The following TXNL4A variants were observed in gnomAD, a reference collection of about 807,000 sequenced individuals.
The protein encoded by TXNL4A is thioredoxin-like protein 4A.
A neutral mutation model predicts 14.6 loss-of-function variants in TXNL4A; 17 were observed. The ratio of observed to expected loss-of-function variants is 1.16; its 90% confidence interval spans 0.80 to 1.74. The LOEUF is 1.74. Ranked by LOEUF, TXNL4A falls within the 40% of genes most tolerant of loss-of-function variation. TXNL4A has a pLI of 0.00. For synonymous variants in TXNL4A, 83 were observed against 70.6 expected (o/e 1.18, Z -0.88); for missense variants, 74 against 195.2 (o/e 0.38, Z 3.70).
chr18:80,001,946 T>C (rs2051700948), intron 1 of TXNL4A, among the ~76,000 whole-genome samples: 1 of 152,016 alleles, frequency 6.6e-6, no homozygotes, highest in Non-Finnish European at 1.5e-5. Flanking sequence ...GGACATGAGA[T>C]TTGGGAGGGG....
upstream of TXNL4A, among the ~76,000 whole-genome samples, chr18:79,991,691 T>G (rs568962239): frequency 4.6e-5 from 7 of 152,370 alleles, no homozygotes; most frequent in African/African-American, 1.7e-4. Flanking sequence ...TTTTCCAAAT[T>G]GGCTACACCA....
At chr18:79,990,837 G>C (rs2051622404), upstream of TXNL4A, among the ~76,000 whole-genome samples, 1 of 152,092 alleles carries the variant, frequency 6.6e-6, no homozygotes, top group African/African-American at 2.4e-5. Context: ...GGGCGCGGTG[G>C]CTCACGCCTG....
chr18:80,016,930 T>C (rs998060924), intron 1 of TXNL4A, among the ~76,000 whole-genome samples: 8 of 152,170 alleles, frequency 5.3e-5, no homozygotes, highest in African/African-American at 1.2e-4. Flanking sequence ...GGGGATGGCA[T>C]TGAATCTATA....
chr18:80,006,553 T>G (rs1312460555), intron 1 of TXNL4A, among the ~76,000 whole-genome samples: 1 of 152,130 alleles, frequency 6.6e-6, no homozygotes, highest in African/African-American at 2.4e-5. Flanking sequence ...CCAGAGATGT[T>G]TAGAAATTTT....
At chr18:79,989,018 A>G (rs1006831811), upstream of TXNL4A, among the ~76,000 whole-genome samples, 3 of 152,368 alleles carry the variant, frequency 2.0e-5, no homozygotes, top group Middle Eastern at 6.8e-3. Flanking sequence ...ACCACAGCAG[A>G]GTCGAGCAGC....
chr18:79,990,182 C>T (rs1010421389), upstream of TXNL4A, among the ~76,000 whole-genome samples: 3 of 152,186 alleles, frequency 2.0e-5, no homozygotes, highest in African/African-American at 4.8e-5. Flanking sequence ...ATACTAGAAT[C>T]ACAAGTGCAG....
chr18:79,976,653 G>A (rs879082523), intron 2 of TXNL4A: 44 of 394,020 alleles, frequency 1.1e-4, no homozygotes, highest in South Asian at 8.0e-4. Context: ...CTCAATGCGT[G>A]CTAATTTGTT....
At position 79,988,486 on chromosome 18, in the gene TXNL4A, G is replaced by A. The variant is rs962322006; in HGVS notation, c.-94C>T. 6 of 1,213,384 alleles carry A rather than the reference G, an allele frequency of 4.9e-6. No individual in the cohort carries two copies. The highest frequency in any genetic ancestry group is 6.6e-5 in the East Asian group (2 of 30,300). The allele number at this position is 1,213,384 out of a possible 1,614,324, so 75.2% of individuals were successfully genotyped here. Reference sequence around the variant, plus strand: ...GGCCCCTCACTCCCCGGCCCCCGCCGCCCCCGGGCCCACGGACGAAATCCG... The same window carrying A: ...GGCCCCTCACTCCCCGGCCCCCGCCACCCCCGGGCCCACGGACGAAATCCG... On this transcript the variant is annotated 5_prime_UTR_variant, in exon 1 of 3. Transcript: ENST00000269601.
intron 1 of TXNL4A, among the ~76,000 whole-genome samples, chr18:80,014,745 A>C (rs1474264290): frequency 5.9e-5 from 9 of 152,202 alleles, no homozygotes; most frequent in Admixed American, 3.3e-4. Context: ...GCAGTTTCCC[A>C]GTAGGGACTC....
chr18:79,975,479 C>A (rs576367746), intron 2 of TXNL4A, among the ~76,000 whole-genome samples: 1 of 152,394 alleles, frequency 6.6e-6, no homozygotes, highest in East Asian at 1.9e-4. Context: ...TTGCCTGCAG[C>A]CTCCTTGCCC....
At chr18:80,002,771 T>C (rs185199959) in intron 1 of TXNL4A, among the ~76,000 whole-genome samples, 15 of 152,378 alleles carry the variant, frequency 9.8e-5, no homozygotes, top group Middle Eastern at 3.4e-3. Context: ...CCTTTGTGCA[T>C]GACCTCTGTC....
chr18:80,016,035 C>G (rs1371763959), intron 1 of TXNL4A, among the ~76,000 whole-genome samples: 16 of 129,458 alleles, frequency 1.2e-4, no homozygotes, highest in Admixed American at 4.0e-4. Flanking sequence ...TGTTTCCTGA[C>G]TTTTTAATGA....
In TXNL4A at chr18:79,988,268, T is replaced by A; in HGVS notation, c.125A>T (p.Asp42Val). 1 of 1,600,480 alleles carries A rather than the reference T, an allele frequency of 6.2e-7. No individual in the cohort carries two copies. The highest frequency in any genetic ancestry group is 8.5e-7 in the Non-Finnish European group (1 of 1,170,410). ...HDWDPTCMKM[D>V]EVLYSIAEKV... Reference sequence around the variant, plus strand: ...CTCGGCGATGCTGTACAGGACCTCGTCCATCTTCATGCACGTAGGATCCCA... The same window carrying A: ...CTCGGCGATGCTGTACAGGACCTCGACCATCTTCATGCACGTAGGATCCCA... The change falls in exon 1 of 3, where the codon GAC (aspartate) becomes GTC (valine). Residue 42 changes from aspartate (D) to valine (V), a missense_variant. By Grantham distance (152) the Asp-to-Val change is radical. Coordinates refer to ENST00000269601, the MANE Select transcript of TXNL4A (RefSeq NM_006701.5).
chr18:80,026,481 C>T (rs932802056), intron 1 of TXNL4A, among the ~76,000 whole-genome samples: 3 of 151,982 alleles, frequency 2.0e-5, no homozygotes, highest in African/African-American at 7.3e-5. Flanking sequence ...AAATATTCTA[C>T]CCTGACAAAA....
intron 1 of TXNL4A, among the ~76,000 whole-genome samples, chr18:79,978,596 C>A (rs1334575470): frequency 6.6e-6 from 1 of 151,974 alleles, no homozygotes; most frequent in Non-Finnish European, 1.5e-5. Flanking sequence ...TGGGCTCAAG[C>A]GATCCTCCCA....
chr18:80,016,184 C>A (rs1457275536), intron 1 of TXNL4A, among the ~76,000 whole-genome samples: 2 of 151,394 alleles, frequency 1.3e-5, no homozygotes, highest in African/African-American at 4.8e-5. Context: ...CTGTTCATAT[C>A]CTTTGCCCAC....
chr18:80,023,582 A>G (rs1012510081), intron 1 of TXNL4A, among the ~76,000 whole-genome samples: 9 of 152,190 alleles, frequency 5.9e-5, no homozygotes, highest in African/African-American at 2.2e-4. Flanking sequence ...TTATTGAACA[A>G]TGCTGAACTT....
chr18:79,994,062 G>A (rs768549009), intron 1 of TXNL4A, among the ~76,000 whole-genome samples: 2 of 152,132 alleles, frequency 1.3e-5, no homozygotes, highest in African/African-American at 2.4e-5. Flanking sequence ...GGGGAATGAG[G>A]CCTCTAAATT....
intron 1 of TXNL4A, chr18:79,995,374 G>T (rs905608503): frequency 5.9e-5 from 9 of 152,258 alleles, no homozygotes; most frequent in African/African-American, 2.2e-4. Context: ...TGACTGTTCT[G>T]TTAAATAGCA....
Sources: allele counts gnomAD v4.1 joint callset (sites outside exome capture counted in the v4.1 genomes callset), GRCh38; gene constraint gnomAD v4.1.1; transcripts MANE v1.5; gene names NCBI Gene and HGNC (gene_info 2026-07-23, HGNC 2026-07-21).